DTNA: variants seen among roughly 807,000 people sequenced by gnomAD.
DTNA encodes the protein dystrophin-related protein 3.
Under a neutral mutation model 100.7 loss-of-function variants are expected in DTNA, and 43 were observed. The ratio of observed to expected loss-of-function variants is 0.43; its 90% confidence interval spans 0.33 to 0.55. The LOEUF is 0.55. Among genes scored for constraint, DTNA ranks in the 20% least tolerant of loss-of-function variants. The probability of loss-of-function intolerance (pLI) is 0.04; values close to 1 mark genes in which losing one functional copy is unlikely to be tolerated. For missense variants in DTNA, 798 were observed against 953.9 expected, an observed-to-expected ratio of 0.84 and a Z score of 2.15; for synonymous variants, 349 against 347.9, an observed-to-expected ratio of 1.00 and a Z score of -0.04.
chr18:34,522,784 T>G (rs2042268764), intron 1 of DTNA, among the ~76,000 whole-genome samples: 1 of 152,178 alleles, frequency 6.6e-6, no homozygotes, highest in African/African-American at 2.4e-5. Flanking sequence ...CTAAGAAGGC[T>G]GGCCGCTCTG....
intron 1 of DTNA, among the ~76,000 whole-genome samples, chr18:34,741,258 A>G (rs995092976): frequency 6.6e-6 from 1 of 152,142 alleles, no homozygotes; most frequent in Non-Finnish European, 1.5e-5. Flanking sequence ...CTAGCTAGCT[A>G]CTTTTATGTT....
chr18:34,885,423 A>AT (rs1220513116), intron 22 of DTNA, among the ~76,000 whole-genome samples: 1 of 152,190 alleles, frequency 6.6e-6, no homozygotes, highest in Non-Finnish European at 1.5e-5. Context: ...ATTCTCAGTA[A>AT]TTTTTTAATG....
chr18:34,718,734 G>T (rs1440168683), intron 1 of DTNA, among the ~76,000 whole-genome samples: 2 of 152,134 alleles, frequency 1.3e-5, no homozygotes, highest in African/African-American at 4.8e-5. Context: ...GAAGAGTATG[G>T]GCATTAGTCT....
At chr18:34,539,107 T>C (rs1161495035) in intron 1 of DTNA, among the ~76,000 whole-genome samples, 3 of 152,126 alleles carry the variant, frequency 2.0e-5, no homozygotes, top group East Asian at 1.9e-4. Flanking sequence ...ACAGATCAGA[T>C]TGGCAAAATA....
chr18:34,629,646 T>C (rs1021191278), intron 1 of DTNA, among the ~76,000 whole-genome samples: 1 of 152,186 alleles, frequency 6.6e-6, no homozygotes, highest in African/African-American at 2.4e-5. Context: ...CCAGGACAAG[T>C]GCTGTTTAAA....
intron 1 of DTNA, among the ~76,000 whole-genome samples, chr18:34,754,128 G>A (rs1002998852): frequency 2.0e-5 from 3 of 152,116 alleles, no homozygotes; most frequent in East Asian, 3.9e-4. Flanking sequence ...GCTACTCTAC[G>A]TCCTTCCCTC....
intron 1 of DTNA, among the ~76,000 whole-genome samples, chr18:34,747,533 C>T (rs751138854): frequency 2.6e-5 from 4 of 152,082 alleles, no homozygotes; most frequent in African/African-American, 4.8e-5. Context: ...TCCATTATGT[C>T]GTTCTTATGC....
At chr18:34,545,424 C>G (rs1369072570) in intron 1 of DTNA, among the ~76,000 whole-genome samples, 2 of 152,060 alleles carry the variant, frequency 1.3e-5, no homozygotes, top group Non-Finnish European at 2.9e-5. Context: ...TAAAATTTCT[C>G]AGTTATGTTT....
chr18:34,782,615 C>T (rs1384692050), intron 3 of DTNA, among the ~76,000 whole-genome samples: 1 of 152,094 alleles, frequency 6.6e-6, no homozygotes, highest in African/African-American at 2.4e-5. Context: ...TTGTAGGGCA[C>T]ACCTGGTGGA....
chr18:34,761,320 G>A (rs1394344398), intron 2 of DTNA, among the ~76,000 whole-genome samples: 1 of 152,114 alleles, frequency 6.6e-6, no homozygotes, highest in Non-Finnish European at 1.5e-5. Flanking sequence ...ATCAAAAATG[G>A]CTATATAATG....
intron 1 of DTNA, among the ~76,000 whole-genome samples, chr18:34,667,064 G>C: frequency 6.6e-6 from 1 of 152,130 alleles, no homozygotes; most frequent in South Asian, 2.1e-4. Flanking sequence ...AGCATGGAAT[G>C]TTCTTCCATT....
At chr18:34,744,505 A>G (rs565054174) in intron 1 of DTNA, among the ~76,000 whole-genome samples, 1 of 152,274 alleles carries the variant, frequency 6.6e-6, no homozygotes, top group African/African-American at 2.4e-5. Context: ...TTTTAGTCAC[A>G]TTTCCTATAA....
rs560120578 is a variant in DTNA, at chr18:34,862,634, TAAAAAAG to T, written c.1647-1325_1647-1319del. Among the ~76,000 whole-genome samples the T allele has an allele frequency of 2.2e-3, 334 of 151,822 alleles. 4 individuals are homozygous for T. The highest frequency in any genetic ancestry group is 2.1e-3 in the Non-Finnish European group (143 of 67,908). Reference sequence around the variant, plus strand: ...GGCAACATAGTGAGAAACCATCTCTTAAAAAAGAAAAAAAGATTAGTCAGGCATGGTG... The same window carrying T: ...GGCAACATAGTGAGAAACCATCTCTTAAAAAAAGATTAGTCAGGCATGGTG... On this transcript the variant is annotated intron_variant, in intron 16 of 22. Transcript: ENST00000444659.
At chr18:34,610,154 A>C (rs2053946153) in intron 1 of DTNA, among the ~76,000 whole-genome samples, 1 of 152,194 alleles carries the variant, frequency 6.6e-6, no homozygotes. Context: ...GTCATGCCTG[A>C]TTACAATGTG....
At chr18:34,872,078 C>T (rs770485368) in intron 17 of DTNA, among the ~76,000 whole-genome samples, 4 of 152,180 alleles carry the variant, frequency 2.6e-5, no homozygotes, top group Non-Finnish European at 2.9e-5. Flanking sequence ...TAACACACAA[C>T]GAGAGTCAAT....
intron 1 of DTNA, among the ~76,000 whole-genome samples, chr18:34,602,727 A>G (rs1033405441): frequency 3.3e-5 from 5 of 151,928 alleles, no homozygotes; most frequent in Non-Finnish European, 7.4e-5. Context: ...AAACAAAAAA[A>G]GAGGCCCGGC....
chr18:34,692,278 A>T (rs772503868), intron 1 of DTNA, among the ~76,000 whole-genome samples: 1 of 152,210 alleles, frequency 6.6e-6, no homozygotes, highest in Non-Finnish European at 1.5e-5. Context: ...AACCTCACAG[A>T]GGGGGTCCGT....
At chr18:34,845,765 T>G (rs1444522615) in intron 13 of DTNA, among the ~76,000 whole-genome samples, 1 of 152,224 alleles carries the variant, frequency 6.6e-6, no homozygotes, top group Non-Finnish European at 1.5e-5. Context: ...CAGACATTAT[T>G]TTATAAAGAC....
At chr18:34,663,113 A>G (rs945379969) in intron 1 of DTNA, 1 of 152,116 alleles carries the variant, frequency 6.6e-6, no homozygotes, top group Admixed American at 6.5e-5. Context: ...GCATGTTATT[A>G]AGTCTTGGGA....
Sources: allele counts gnomAD v4.1 joint callset (sites outside exome capture counted in the v4.1 genomes callset), GRCh38; gene constraint gnomAD v4.1.1; transcripts MANE v1.5; gene names NCBI Gene and HGNC (gene_info 2026-07-23, HGNC 2026-07-21).